NWD1: variants seen among roughly 807,000 people sequenced by gnomAD.
The protein encoded by NWD1 is NACHT and WD repeat domain containing 1, also known as NACHT domain- and WD repeat-containing protein 1.
NWD1 carries 129 observed loss-of-function variants against 135.1 expected under a neutral mutation model. The ratio of observed to expected loss-of-function variants is 0.96; its 90% confidence interval spans 0.83 to 1.11. The LOEUF is 1.11. Among genes scored for constraint, NWD1 ranks in the 50% least tolerant of loss-of-function variants. NWD1 has a pLI of 0.00. For missense variants in NWD1, 1,740 were observed against 1,851.3 expected, an observed-to-expected ratio of 0.94 and a Z score of 1.10; for synonymous variants, 773 against 786.0, an observed-to-expected ratio of 0.98 and a Z score of 0.28.
At chr19:16,723,225 G>A (rs1389516866) in intron 1 of NWD1, among the ~76,000 whole-genome samples, 1 of 152,006 alleles carries the variant, frequency 6.6e-6, no homozygotes, top group Non-Finnish European at 1.5e-5. Context: ...TTGAGATAGG[G>A]TCTCGCTCTG....
chr19:16,765,169 C>T lies in NWD1; in HGVS notation c.2387C>T (p.Pro796Leu), dbSNP rs776805099. ...LVREALQLCR[P>L]AVELRGMERS... The stretch of plus-strand genomic sequence containing the variant: ...CGTGAAGCCCTCCAGCTCTGCCGCC[C>T]TGCTGTGGAGCTCCGAGGCATGGGT... The change falls in exon 10 of 19, where the codon CCT becomes CTT. Residue 796 changes from proline (P) to leucine (L), a missense_variant. By Grantham distance (98) the Pro-to-Leu change is moderately conservative. Coordinates refer to ENST00000524140, the MANE Select transcript of NWD1 (RefSeq NM_001007525.5). 5.0e-6 allele frequency: 8 copies of T among 1,614,120 alleles called. No homozygotes were observed. Among genetic ancestry groups the T allele is most frequent in the Non-Finnish European group, 6.8e-6 (8 of 1,180,006 alleles).
In NWD1 at chr19:16,750,140, G is replaced by A. The variant is rs1198789989; in HGVS notation, c.1498G>A (p.Gly500Ser). 1.2e-6 allele frequency: 2 copies of A among 1,613,906 alleles called. No individual in the cohort carries two copies. The highest frequency in any genetic ancestry group is 8.5e-7 in the Non-Finnish European group (1 of 1,179,998). Reference protein sequence around the residue: ...WEVKPLSGNQGQQMIQLLLAA... With the variant: ...WEVKPLSGNQSQQMIQLLLAA... Reference sequence around the variant, plus strand: ...GGTGAAGCCCCTTTCCGGAAACCAAGGCCAGCAGATGATCCAACTCCTGCT... The same window carrying A: ...GGTGAAGCCCCTTTCCGGAAACCAAAGCCAGCAGATGATCCAACTCCTGCT... Residue 500 changes from glycine (G) to serine (S), a missense_variant, in exon 6 of 19, where the codon GGC (glycine) becomes AGC (serine). Physicochemically the swap from Gly to Ser is moderately conservative, Grantham distance 56. Transcript: ENST00000524140.
intron 14 of NWD1, among the ~76,000 whole-genome samples, chr19:16,793,189 C>T (rs1395901004): frequency 4.6e-5 from 7 of 152,124 alleles, no homozygotes; most frequent in African/African-American, 1.4e-4. Flanking sequence ...AAGATACTCC[C>T]AAATCCTTGG....
intron 9 of NWD1, 83 bp downstream of exon 9, chr19:16,764,028 G>A: frequency 2.4e-6 from 2 of 839,124 alleles, no homozygotes; most frequent in East Asian, 5.0e-5. Context: ...GAGGGTGAAG[G>A]GCAAACATGG....
intron 18 of NWD1, among the ~76,000 whole-genome samples, chr19:16,813,315 T>C (rs183935687): frequency 6.6e-6 from 1 of 152,286 alleles, no homozygotes; most frequent in East Asian, 1.9e-4. Context: ...TGTTTCCAGG[T>C]GTTTGTGAAG....
chr19:16,816,535 C>A lies in NWD1; in HGVS notation c.*1496C>A, dbSNP rs931527000. Reference sequence around the variant, plus strand: ...TGGAAGTAGAAAGAGCTGCTGATCTCTCCCTGCTTTGCTTTTGAACTGTCT... The same window carrying A: ...TGGAAGTAGAAAGAGCTGCTGATCTATCCCTGCTTTGCTTTTGAACTGTCT... On this transcript the variant is annotated 3_prime_UTR_variant, in exon 19 of 19. Coordinates refer to ENST00000524140, the MANE Select transcript of NWD1 (RefSeq NM_001007525.5). 1.3e-5 allele frequency: 2 copies of A among 152,216 alleles called. No individual in the cohort carries two copies. The highest frequency in any genetic ancestry group is 4.8e-5 in the African/African-American group (2 of 41,456). The allele number at this position is 152,216 out of a possible 1,614,324, so 9.4% of individuals were successfully genotyped here.
At chr19:16,805,202 G>A (rs887364277) in intron 17 of NWD1, among the ~76,000 whole-genome samples, 1 of 151,942 alleles carries the variant, frequency 6.6e-6, no homozygotes, top group Non-Finnish European at 1.5e-5. Flanking sequence ...GAGATTACAG[G>A]TGTGCAGCAC....
At chr19:16,748,839 A>G (rs1968428849) in intron 5 of NWD1, among the ~76,000 whole-genome samples, 1 of 128,842 alleles carries the variant, frequency 7.8e-6, no homozygotes, top group Non-Finnish European at 1.6e-5. Context: ...TAATAATAAT[A>G]AGAAGAAGAA....
intron 6 of NWD1, among the ~76,000 whole-genome samples, chr19:16,754,790 T>TCATC (rs112223594): frequency 0.11 from 15,797 of 145,240 alleles, 1,553 homozygotes; most frequent in African/African-American, 0.27. Context: ...ATCATCTCTA[T>TCATC]CATCCATCCA....
chr19:16,793,581 T>A (rs1340382057), intron 14 of NWD1, among the ~76,000 whole-genome samples: 1 of 77,242 alleles, frequency 1.3e-5, no homozygotes, highest in Non-Finnish European at 2.8e-5. Flanking sequence ...TGGTTTTTGG[T>A]TGTTTTTTTT....
intron 12 of NWD1, among the ~76,000 whole-genome samples, 162 bp from the exon 13 acceptor site, chr19:16,788,820 A>C (rs1970144698): frequency 6.6e-6 from 1 of 151,986 alleles, no homozygotes. Flanking sequence ...GGGTTTTCTT[A>C]ATGTTATTGA....
intron 3 of NWD1, among the ~76,000 whole-genome samples, chr19:16,735,963 C>CTA (rs1555717068): frequency 8.3e-6 from 1 of 120,652 alleles, no homozygotes; most frequent in Non-Finnish European, 1.7e-5. Flanking sequence ...GACTCCAACT[C>CTA]AAAAAAAAAA....
chr19:16,738,795 A>G (rs1018708090), intron 4 of NWD1, among the ~76,000 whole-genome samples: 2 of 140,616 alleles, frequency 1.4e-5, no homozygotes, highest in African/African-American at 2.6e-5. Context: ...ATATAATAAC[A>G]TATAACATAC....
intron 5 of NWD1, among the ~76,000 whole-genome samples, chr19:16,747,517 CA>C (rs1968376513): frequency 6.6e-6 from 1 of 151,882 alleles, no homozygotes; most frequent in Admixed American, 6.6e-5. Flanking sequence ...GCTGGGACCG[CA>C]GTCACACGCC....
chr19:16,743,296 G>A (rs146451489), intron 4 of NWD1, among the ~76,000 whole-genome samples: 2,019 of 151,614 alleles, frequency 0.013, 25 homozygotes, highest in Middle Eastern at 0.024. Flanking sequence ...CTGCAGCCTC[G>A]AACTCCTGAG....
rs1970795833 is a variant in NWD1 at position 16,807,747 on chromosome 19, A to G, written c.3898A>G (p.Lys1300Glu). 6.2e-7 allele frequency: 1 copy of G among 1,613,038 alleles called. No individual in the cohort carries two copies. The highest frequency in any genetic ancestry group is 1.7e-5 in the Admixed American group (1 of 59,956). Residue 1300 changes from lysine (K) to glutamate (E), a missense_variant, in exon 18 of 19, where the codon AAA becomes GAA. Transcript: ENST00000524140. ...VICIPPPEAR[K>E]AINCMSLSKC... The stretch of plus-strand genomic sequence containing the variant: ...ATGCATTCCCCCTCCCGAGGCCCGG[A>G]AAGCAATCAACTGCATGTCCCTGAG...
chr19:16,791,550 A>T lies in NWD1; in HGVS notation c.3141A>T (p.Thr1047=). 6.2e-7 allele frequency: 1 copy of T among 1,614,040 alleles called. No individual in the cohort carries two copies. The highest frequency in any genetic ancestry group is 8.5e-7 in the Non-Finnish European group (1 of 1,180,000). ...ATATGTCCAGCATCAAAGAAGAAAC[A>T]CCTACCTGTGCCGTCTCAGTCCAGA... is the stretch of plus-strand genomic sequence containing the variant. ...KQHMSSIKEE[T]PTCAVSVQKQ... The change falls in exon 14 of 19, where the codon ACA becomes ACT. Residue 1047 remains threonine, a synonymous_variant. Coordinates refer to ENST00000524140, the MANE Select transcript of NWD1 (RefSeq NM_001007525.5).
intron 7 of NWD1, among the ~76,000 whole-genome samples, chr19:16,760,995 C>G (rs1308890999): frequency 6.6e-6 from 1 of 152,190 alleles, no homozygotes; most frequent in Non-Finnish European, 1.5e-5. Flanking sequence ...AAAGGAGACC[C>G]TGTCCCCATC....
chr19:16,766,032 A>AAAAG (rs559026309), intron 10 of NWD1, among the ~76,000 whole-genome samples: 325 of 144,558 alleles, frequency 2.2e-3, no homozygotes, highest in African/African-American at 6.5e-3. Flanking sequence ...AAAAAAAAAA[A>AAAAG]AAAGAAAGAA....
Sources: gnomAD v4.1 joint callset for allele counts (sites outside exome capture counted in the v4.1 genomes callset) on GRCh38, gnomAD v4.1.1 for gene constraint, MANE v1.5 for transcripts, NCBI Gene and HGNC (gene_info 2026-07-23, HGNC 2026-07-21) for gene names.